The following ABCA3 variants were observed in gnomAD, a reference collection of about 807,000 sequenced individuals.
ABCA3 encodes the protein phospholipid-transporting ATPase ABCA3.
In ABCA3, 88 loss-of-function variants were observed where a neutral mutation model predicts 172.8. The ratio of observed to expected loss-of-function variants is 0.51; its 90% CI spans 0.43 to 0.61. The LOEUF is 0.61. ABCA3 is among the 20% of genes least tolerant of loss of function. ABCA3 has a pLI of 0.00. For synonymous variants in ABCA3, 1,066 were observed against 983.8 expected (o/e 1.08, Z -1.56); for missense variants, 2,164 against 2,301.0 (o/e 0.94, Z 1.22).
chr16:2,279,204 T>C lies in ABCA3; in HGVS notation c.4360-74A>G, dbSNP rs1044842183. The C allele has an allele frequency of 2.6e-6, 4 of 1,554,290 alleles. No homozygotes were observed. The African/African-American group carries it at 4.1e-5, about 16-fold the overall frequency. On this transcript the variant is annotated intron_variant, in intron 28 of 32. Transcript: ENST00000301732. This position sits in a 1 kb window ranked among gnomAD's most constrained non-coding sequence, Gnocchi z 4.4. ...CCTTCCTCCAGAGGACCACGGGGAC[T>C]ACCCTTGAGGTGCCCACCACTGCGC...
chr16:2,340,280 G>A (rs1181059935), intron 1 of ABCA3, among the ~76,000 whole-genome samples: 6 of 152,118 alleles, frequency 3.9e-5, no homozygotes, highest in Admixed American at 2.6e-4. Flanking sequence ...TTCCCCGCGC[G>A]GCGCGGGCTC....
intron 1 of ABCA3, chr16:2,339,005 C>G (rs1158485368): frequency 1.3e-5 from 2 of 152,286 alleles, no homozygotes; most frequent in Admixed American, 6.5e-5. Context: ...ATCCGCCCGC[C>G]TCTGCCTCCC....
rs776470711 is a variant in ABCA3, at chr16:2,277,984, T to G, written c.4804A>C (p.Lys1602Gln). ...GAGTAGCCGCTGCCGAACTTGCTCT[T>G]GAGGTGCTGGGGGCTGCCCAGGCAC... is the stretch of plus-strand genomic sequence containing the variant. ...FKCLGSPQHLKSKFGSGYSLR... is the reference protein window; with the variant it reads ...FKCLGSPQHLQSKFGSGYSLR... The change falls in exon 31 of 33, where the codon AAG becomes CAG. Residue 1602 changes from lysine (K) to glutamine (Q), a missense_variant. By Grantham distance (53) the Lys-to-Gln change is moderately conservative. Around this residue, in one of 3 missense-constraint regions of ABCA3, gnomAD observed 795 missense variants for 881.9 expected, o/e 0.90. Coordinates refer to ENST00000301732, the MANE Select transcript of ABCA3 (RefSeq NM_001089.3). The surrounding 1 kb of genome is among the most constrained non-coding windows in gnomAD (Gnocchi z 5.3). 1 of 1,613,232 alleles carries G rather than the reference T, an allele frequency of 6.2e-7. No individual in the cohort carries two copies. Among genetic ancestry groups the G allele is most frequent in the Admixed American group, 1.7e-5 (1 of 60,022 alleles).
intron 11 of ABCA3, among the ~76,000 whole-genome samples, chr16:2,305,950 C>A (rs1310929827): frequency 6.6e-6 from 1 of 152,174 alleles, no homozygotes; most frequent in Admixed American, 6.5e-5. Context: ...TGCTGGGGAT[C>A]TGTGTGTCCA....
intron 20 of ABCA3, chr16:2,289,058 A>C (rs2093667690): frequency 8.1e-6 from 2 of 246,278 alleles, no homozygotes; most frequent in Non-Finnish European, 1.6e-5. Flanking sequence ...CAGGGATCAG[A>C]ATGAGCTCTG....
intron 10 of ABCA3, among the ~76,000 whole-genome samples, chr16:2,312,531 C>CTT (rs201356602): frequency 7.2e-6 from 1 of 139,704 alleles, no homozygotes; most frequent in Non-Finnish European, 1.6e-5. Flanking sequence ...TGGCATTTTT[C>CTT]TTTTTTTTTT....
At chr16:2,276,872 G>A in intron 32 of ABCA3, 67 bp from the exon 33 acceptor site, 3 of 1,598,522 alleles carry the variant, frequency 1.9e-6, no homozygotes, top group East Asian at 2.2e-5. Flanking sequence ...GGACCTGGGA[G>A]TCCTCTGGCA....
rs962517161 is a variant in ABCA3, at chr16:2,287,024, CT to C, written c.3005-58del. On this transcript the variant is annotated intron_variant, in intron 21 of 32. Transcript: ENST00000301732. The surrounding 1 kb of genome is among the most constrained non-coding windows in gnomAD (Gnocchi z 4.1). Reference sequence around the variant, plus strand: ...GGAAGAGGTGACACCTGGGCACCCCCTGCCACCTGAGCATGGCTAATCAGGG... The same window carrying C: ...GGAAGAGGTGACACCTGGGCACCCCCGCCACCTGAGCATGGCTAATCAGGG... The C allele has an allele frequency of 1.9e-6, 3 of 1,576,464 alleles. No individual in the cohort carries two copies. The highest frequency in any genetic ancestry group is 2.7e-5 in the African/African-American group (2 of 74,252).
chr16:2,312,418 T>C (rs956189426), intron 10 of ABCA3, among the ~76,000 whole-genome samples: 3 of 152,124 alleles, frequency 2.0e-5, no homozygotes, highest in African/African-American at 7.2e-5. Context: ...TATGTGTACA[T>C]CCCATTTCGT....
chr16:2,276,138 C>T lies in ABCA3; in HGVS notation c.*536G>A, dbSNP rs554616359. The T allele has an allele frequency of 3.7e-4, 129 of 346,862 alleles. 1 individual carries two copies. Among genetic ancestry groups the T allele is most frequent in the African/African-American group, 2.5e-3 (114 of 46,462 alleles). 21.5% of individuals were successfully genotyped at this position (346,862 alleles called of 1,614,324 possible). A position where few individuals can be genotyped will look rare whatever the true frequency, so the allele number is the denominator to read the frequency against. On this transcript the variant is annotated 3_prime_UTR_variant, in exon 33 of 33. Coordinates refer to ENST00000301732, the MANE Select transcript of ABCA3 (RefSeq NM_001089.3). The stretch of plus-strand genomic sequence containing the variant: ...AGGAGCAGAGCCTCCAGGATGCCCC[C>T]GGGCTGCGCTGGACGCTAAGACCCC...
In ABCA3 at chr16:2,317,521, C is replaced by G; in HGVS notation, c.991-118G>C. On this transcript the variant is annotated intron_variant, in intron 9 of 32. Transcript: ENST00000301732. ...ACCGAGAGGAGTGGGACATTGACAG[C>G]TCCTCTCCCCCATGAGGGACAGACT... The G allele has an allele frequency of 3.2e-6, 5 of 1,584,536 alleles. No homozygotes were observed. The South Asian group carries it at 5.6e-5, about 18-fold the overall frequency.
At position 2,283,887 on chromosome 16, in the gene ABCA3, A is replaced by G. The variant is rs2093658779; in HGVS notation, c.3862+392T>C. On this transcript the variant is annotated intron_variant, in intron 25 of 32. Coordinates refer to ENST00000301732, the MANE Select transcript of ABCA3 (RefSeq NM_001089.3). The surrounding 1 kb of genome is among the most constrained non-coding windows in gnomAD (Gnocchi z 5.4). ...CAGAAGGAGATTTGAGACAGGAGAC[A>G]GGAGCTGCCATGCGAGGATGGAGGC... 4.0e-6 allele frequency: 1 copy of G among 252,718 alleles called. No individual in the cohort carries two copies. The highest frequency in any genetic ancestry group is 7.7e-6 in the Non-Finnish European group (1 of 129,794). The allele number at this position is 252,718 out of a possible 1,614,324, so 15.7% of individuals were successfully genotyped here.
Position 2,284,470 on chromosome 16 carries a change from G to A in ABCA3, c.3704-33C>T. On this transcript the variant is annotated intron_variant, in intron 24 of 32. Coordinates refer to ENST00000301732, the MANE Select transcript of ABCA3 (RefSeq NM_001089.3). The surrounding 1 kb of genome is among the most constrained non-coding windows in gnomAD (Gnocchi z 5.9). The stretch of plus-strand genomic sequence containing the variant: ...GGGGAGGTAAGATCAGTCTGCGCTG[G>A]AGGGCACACCACACCCACCTCCAGG... The A allele has an allele frequency of 6.2e-7, 1 of 1,612,864 alleles. No individual in the cohort carries two copies. Among genetic ancestry groups the A allele is most frequent in the Non-Finnish European group, 8.5e-7 (1 of 1,179,764 alleles).
chr16:2,286,032 G>A lies in ABCA3; in HGVS notation c.3279-386C>T, dbSNP rs1301366645. On this transcript the variant is annotated intron_variant, in intron 22 of 32. Transcript: ENST00000301732. This position sits in a 1 kb window ranked among gnomAD's most constrained non-coding sequence, Gnocchi z 5.2. ...TCTAGGATCCTGAGTTGATGGCAAG[G>A]AGAGCAGATCGAGGGCTGTTGCTTT... 6.6e-6 allele frequency among the ~76,000 whole-genome samples: 1 copy of A among 152,230 alleles called. No homozygotes were observed. Among genetic ancestry groups the A allele is most frequent in the African/African-American group, 2.4e-5 (1 of 41,468 alleles).
rs770685287 is a variant in ABCA3 at position 2,279,898 on chromosome 16, CA to C, written c.4360-769del. Among the ~76,000 whole-genome samples the C allele has an allele frequency of 2.0e-5, 3 of 152,182 alleles. No homozygotes were observed. The highest frequency in any genetic ancestry group is 4.4e-5 in the Non-Finnish European group (3 of 68,028). ...AGTAGCTAGGATTATAGGCACCTGC[CA>C]CCATGCCCTGCTAATTTTTGTATTT... On this transcript the variant is annotated intron_variant, in intron 28 of 32. Coordinates refer to ENST00000301732, the MANE Select transcript of ABCA3 (RefSeq NM_001089.3). This position sits in a 1 kb window ranked among gnomAD's most constrained non-coding sequence, Gnocchi z 4.4.
chr16:2,327,767 C>A (rs553544803), intron 3 of ABCA3, among the ~76,000 whole-genome samples: 5 of 152,180 alleles, frequency 3.3e-5, no homozygotes, highest in Non-Finnish European at 7.3e-5. Flanking sequence ...GTCACCCAGG[C>A]TGGAGTACAG....
intron 11 of ABCA3, among the ~76,000 whole-genome samples, chr16:2,308,066 A>G (rs1206758262): frequency 6.6e-6 from 1 of 152,204 alleles, no homozygotes; most frequent in Admixed American, 6.5e-5. Flanking sequence ...CCATCTCTAT[A>G]AAATATTTAA....
chr16:2,316,490 CAAAAAA>C (rs71148128), intron 10 of ABCA3, among the ~76,000 whole-genome samples: 1 of 28,872 alleles, frequency 3.5e-5, no homozygotes, highest in African/African-American at 1.5e-4. Context: ...ACTAAAAATG[CAAAAAA>C]AAAAAAAAAA....
intron 1 of ABCA3, among the ~76,000 whole-genome samples, chr16:2,331,347 T>C (rs1461530591): frequency 6.6e-6 from 1 of 152,050 alleles, no homozygotes; most frequent in Admixed American, 6.5e-5. Context: ...TACAGGCACA[T>C]GCCACCACGC....
Sources: gnomAD v4.1 joint callset for allele counts (sites outside exome capture counted in the v4.1 genomes callset) on GRCh38, gnomAD v4.1.1 for gene constraint, gnomAD v4.1.1 regional missense constraint, Gnocchi (gnomAD v3.1) non-coding constraint, MANE v1.5 for transcripts, NCBI Gene and HGNC (gene_info 2026-07-23, HGNC 2026-07-21) for gene names.